Variants in DLC1 observed in about 807,000 individuals in gnomAD.
DLC1 encodes the protein DLC1 Rho GTPase activating protein, also known as rho GTPase-activating protein 7.
Under a neutral mutation model 140.3 loss-of-function variants are expected in DLC1, and 54 were observed. That is an observed-to-expected ratio of 0.38 (90% CI 0.31 to 0.48). The LOEUF (loss-of-function observed/expected upper bound fraction) is 0.48, where lower values mean the gene tolerates loss of function less well. DLC1 is among the 20% of genes least tolerant of loss of function. The pLI, the probability that DLC1 is intolerant of heterozygous loss-of-function variation, is 0.96. For synonymous variants in DLC1, 986 were observed against 728.1 expected, an observed-to-expected ratio of 1.35 and a Z score of -5.70; for missense variants, 2,536 against 1,907.0, an observed-to-expected ratio of 1.33 and a Z score of -6.14.
intron 1 of DLC1, among the ~76,000 whole-genome samples, chr8:13,574,550 C>G (rs886204965): frequency 6.6e-6 from 1 of 152,028 alleles, no homozygotes; most frequent in South Asian, 2.1e-4. Flanking sequence ...GTTGCCACAA[C>G]ACTAAAAATG....
chr8:13,455,437 C>G (rs544929902), intron 2 of DLC1, among the ~76,000 whole-genome samples: 4 of 152,012 alleles, frequency 2.6e-5, no homozygotes, highest in Non-Finnish European at 5.9e-5. Flanking sequence ...CATCTCGTGG[C>G]CTTAACTCCT....
At chr8:13,480,250 C>G (rs1429122087) in intron 2 of DLC1, among the ~76,000 whole-genome samples, 5 of 151,924 alleles carry the variant, frequency 3.3e-5, no homozygotes, top group Non-Finnish European at 7.4e-5. Context: ...AACAAGGACC[C>G]ATAAAAGCTT....
At chr8:13,561,383 T>C (rs1260335840) in intron 1 of DLC1, among the ~76,000 whole-genome samples, 1 of 152,192 alleles carries the variant, frequency 6.6e-6, no homozygotes, top group East Asian at 1.9e-4. Context: ...TCTCGCTGTG[T>C]TGCCCAGGCT....
chr8:13,469,194 C>G (rs1800094166), intron 2 of DLC1, among the ~76,000 whole-genome samples: 1 of 152,134 alleles, frequency 6.6e-6, no homozygotes, highest in South Asian at 2.1e-4. Context: ...GAGTTTATAT[C>G]ATTCCTTTTC....
chr8:13,151,133 A>G (rs1823777610), intron 5 of DLC1, among the ~76,000 whole-genome samples: 1 of 152,170 alleles, frequency 6.6e-6, no homozygotes, highest in African/African-American at 2.4e-5. Context: ...ACGGGTAAAG[A>G]TCTGTGGGCA....
intron 5 of DLC1, chr8:13,133,409 T>G (rs1822297240): frequency 3.0e-6 from 2 of 663,918 alleles, no homozygotes; most frequent in Non-Finnish European, 3.8e-6. Flanking sequence ...AGCGACGGGC[T>G]GTTCTCCGGC....
At chr8:13,439,783 C>T (rs1279795270) in intron 2 of DLC1, among the ~76,000 whole-genome samples, 4 of 152,126 alleles carry the variant, frequency 2.6e-5, no homozygotes, top group East Asian at 1.9e-4. Flanking sequence ...AGAAAACCCT[C>T]GCTGCCTATA....
intron 4 of DLC1, among the ~76,000 whole-genome samples, chr8:13,354,494 G>C (rs1834829632): frequency 6.8e-6 from 1 of 146,102 alleles, no homozygotes; most frequent in Non-Finnish European, 1.5e-5. Context: ...TTTAGTATGG[G>C]CATGGAAATA....
chr8:13,247,450 G>A (rs1829813814), intron 5 of DLC1, among the ~76,000 whole-genome samples: 1 of 152,114 alleles, frequency 6.6e-6, no homozygotes, highest in South Asian at 2.1e-4. Context: ...CATTCTAAGT[G>A]CTTTATTTTT....
intron 2 of DLC1, among the ~76,000 whole-genome samples, chr8:13,489,412 T>TATACACAC (rs1554530218): frequency 4.5e-5 from 6 of 132,272 alleles, no homozygotes; most frequent in African/African-American, 1.7e-4. Flanking sequence ...ACACACACCA[T>TATACACAC]ACACACACAC....
intron 2 of DLC1, among the ~76,000 whole-genome samples, chr8:13,474,906 A>G (rs1800373317): frequency 2.0e-5 from 3 of 152,194 alleles, no homozygotes; most frequent in Non-Finnish European, 4.4e-5. Flanking sequence ...GGCAGAAGGC[A>G]CTTGCCTTGT....
intron 1 of DLC1, among the ~76,000 whole-genome samples, chr8:13,571,841 G>A (rs35577784): frequency 0.032 from 4,823 of 152,188 alleles, 92 homozygotes; most frequent in Middle Eastern, 0.085. Flanking sequence ...ACAAGGATTC[G>A]GATTTTTTCA....
At chr8:13,144,609 C>T (rs1823281364) in intron 5 of DLC1, among the ~76,000 whole-genome samples, 2 of 152,052 alleles carry the variant, frequency 1.3e-5, no homozygotes, top group African/African-American at 2.4e-5. Context: ...ACTAAAAATA[C>T]AAAAAATTAG....
chr8:13,310,180 A>G (rs1182653222), intron 4 of DLC1, among the ~76,000 whole-genome samples: 3 of 152,188 alleles, frequency 2.0e-5, no homozygotes, highest in Non-Finnish European at 4.4e-5. Context: ...GTACACAAAC[A>G]GAGCACTATC....
At chr8:13,589,727 C>G (rs1374012491) in intron 1 of DLC1, among the ~76,000 whole-genome samples, 1 of 150,458 alleles carries the variant, frequency 6.6e-6, no homozygotes, top group Non-Finnish European at 1.5e-5. Flanking sequence ...CTTTCATACA[C>G]CAGTGGGAAC....
At chr8:13,089,137 T>C (rs1817823836) in intron 15 of DLC1, among the ~76,000 whole-genome samples, 1 of 151,796 alleles carries the variant, frequency 6.6e-6, no homozygotes, top group Non-Finnish European at 1.5e-5. Context: ...CAGGCACCTG[T>C]AAGTCCAGCT....
At chr8:13,221,204 A>G (rs953123731) in intron 5 of DLC1, among the ~76,000 whole-genome samples, 3 of 152,084 alleles carry the variant, frequency 2.0e-5, no homozygotes, top group Non-Finnish European at 4.4e-5. Context: ...CATTCTTTCC[A>G]TGGGGGATGT....
chr8:13,294,768 C>T (rs1388780144), intron 5 of DLC1, among the ~76,000 whole-genome samples: 1 of 152,104 alleles, frequency 6.6e-6, no homozygotes, highest in African/African-American at 2.4e-5. Context: ...GAGCATGCAC[C>T]GTTGTCTGCA....
chr8:13,133,742 T>C (rs1265864573), intron 5 of DLC1, among the ~76,000 whole-genome samples: 1 of 152,002 alleles, frequency 6.6e-6, no homozygotes, highest in Admixed American at 6.6e-5. Context: ...TTTTTCTTGG[T>C]AGCTCTGCGT....
Sources: allele counts gnomAD v4.1 joint callset (sites outside exome capture counted in the v4.1 genomes callset), GRCh38; gene constraint gnomAD v4.1.1; transcripts MANE v1.5; gene names NCBI Gene and HGNC (gene_info 2026-07-23, HGNC 2026-07-21).